Variants in RWDD1 observed in about 807,000 individuals in gnomAD.
RWDD1 encodes the protein RWD domain containing 1.
RWDD1 carries 17 observed loss-of-function variants against 31.6 expected under a neutral mutation model. The ratio of observed to expected loss-of-function variants is 0.54; its 90% confidence interval spans 0.37 to 0.81. RWDD1 has a LOEUF of 0.81. Among genes scored for constraint, RWDD1 ranks in the 30% least tolerant of loss-of-function variants. RWDD1 has a pLI of 0.00. For missense variants in RWDD1, 204 were observed against 274.5 expected, an observed-to-expected ratio of 0.74 and a Z score of 1.82; for synonymous variants, 78 against 94.2, an observed-to-expected ratio of 0.83 and a Z score of 0.99.
rs754219454 is a variant in RWDD1 at position 116,584,575 on chromosome 6, T to G, written c.140-152T>G. ...TTGTTTCATGTATCTCTTTGTGATA[T>G]GTGTTGTTTACATTAGTGATTATCC... On this transcript the variant is annotated intron_variant, in intron 2 of 6. Transcript: ENST00000466444. 74 of 623,464 alleles carry G rather than the reference T, an allele frequency of 1.2e-4. No individual in the cohort carries two copies. The highest frequency in any genetic ancestry group is 1.9e-4 in the Non-Finnish European group (67 of 359,982). 38.6% of individuals were successfully genotyped at this position (623,464 alleles called of 1,614,324 possible).
At chr6:116,591,096 ATT>A in intron 6 of RWDD1, 146 bp downstream of exon 6, 2 of 1,016,870 alleles carry the variant, frequency 2.0e-6, no homozygotes, top group Non-Finnish European at 2.6e-6. Context: ...CCCTGACTCT[ATT>A]AAAAAAAAAA....
intron 1 of RWDD1, 97 bp downstream of exon 1, chr6:116,571,752 G>C: frequency 8.8e-7 from 1 of 1,130,688 alleles, no homozygotes; most frequent in South Asian, 1.5e-5. Context: ...GGGTGGAGAA[G>C]GGGACCTTGA....
At position 116,594,665 on chromosome 6, in the gene RWDD1, T is replaced by C. The variant is rs932950284; in HGVS notation, c.*1564T>C. The C allele has an allele frequency of 2.0e-5, 3 of 152,250 alleles. No homozygotes were observed. Among genetic ancestry groups the C allele is most frequent in the Admixed American group, 2.0e-4 (3 of 15,284 alleles). 9.4% of individuals were successfully genotyped at this position (152,250 alleles called of 1,614,324 possible). A position where few individuals can be genotyped will look rare whatever the true frequency, so the allele number is the denominator to read the frequency against. On this transcript the variant is annotated 3_prime_UTR_variant, in exon 7 of 7. Transcript: ENST00000466444. ...ACATCCGTGCACATAGAGTCCTTTG[T>C]AATAATTTGGGATGATTGACTTGGT...
At chr6:116,576,030 G>A (rs1293577342) in intron 1 of RWDD1, among the ~76,000 whole-genome samples, 1 of 152,160 alleles carries the variant, frequency 6.6e-6, no homozygotes, top group Non-Finnish European at 1.5e-5. Flanking sequence ...GTTAAAAATG[G>A]CATAACTTTA....
Position 116,595,525 on chromosome 6 carries a change from T to C in RWDD1, c.*2424T>C, listed in dbSNP as rs1045414301. 2.2e-4 allele frequency: 34 copies of C among 152,342 alleles called. No individual in the cohort carries two copies. Among genetic ancestry groups the C allele is most frequent in the African/African-American group, 7.5e-4 (31 of 41,590 alleles). The allele number at this position is 152,342 out of a possible 1,614,324, so 9.4% of individuals were successfully genotyped here. A position where few individuals can be genotyped will look rare whatever the true frequency, so the allele number is the denominator to read the frequency against. ...ATTTGAAGCAATAATTGTTCCATCTTGGATTATCGGTTTTGCTCTTTGATT... is the reference window on the plus strand; with the variant it reads ...ATTTGAAGCAATAATTGTTCCATCTCGGATTATCGGTTTTGCTCTTTGATT... On this transcript the variant is annotated 3_prime_UTR_variant, in exon 7 of 7. Coordinates refer to ENST00000466444, the MANE Select transcript of RWDD1 (RefSeq NM_015952.4).
chr6:116,572,308 A>G lies in RWDD1; in HGVS notation c.73+653A>G, dbSNP rs1019685002. The G allele has an allele frequency of 2.6e-5, 4 of 152,422 alleles. No homozygotes were observed. In the South Asian group the frequency reaches 6.2e-4, roughly 24 times the overall value. 9.4% of individuals were successfully genotyped at this position (152,422 alleles called of 1,614,324 possible). A position where few individuals can be genotyped will look rare whatever the true frequency, so the allele number is the denominator to read the frequency against. The stretch of plus-strand genomic sequence containing the variant: ...GGGGCTCCTGCTCCAAGCCAAGGTC[A>G]TGGGGGTTCAGGAAAGCTAAGTGGC... On this transcript the variant is annotated intron_variant, in intron 1 of 6. Transcript: ENST00000466444.
chr6:116,584,694 G>A (rs2115331237), intron 2 of RWDD1, 33 bp from the exon 3 acceptor site: 3 of 1,589,156 alleles, frequency 1.9e-6, no homozygotes, highest in South Asian at 1.1e-5. Flanking sequence ...TACTTTTAAG[G>A]TATTCACATC....
chr6:116,591,084 G>C (rs1775136380), intron 6 of RWDD1, 134 bp downstream of exon 6: 1 of 1,152,924 alleles, frequency 8.7e-7, no homozygotes, highest in East Asian at 3.0e-5. Context: ...AACATAGTGA[G>C]ACCCTGACTC....
intron 6 of RWDD1, 34 bp downstream of exon 6, chr6:116,590,984 GGCACAGTA>G: frequency 1.9e-6 from 3 of 1,544,262 alleles, no homozygotes; most frequent in Non-Finnish European, 1.7e-6. Context: ...ATGTGGGACA[GGCACAGTA>G]GCTCAAACCT....
intron 3 of RWDD1, among the ~76,000 whole-genome samples, chr6:116,585,128 C>CT (rs1404942404): frequency 6.6e-6 from 1 of 152,180 alleles, no homozygotes; most frequent in Non-Finnish European, 1.5e-5. Flanking sequence ...CCAACGGGTA[C>CT]TTTAAGTTGT....
intron 1 of RWDD1, among the ~76,000 whole-genome samples, chr6:116,574,426 A>G (rs1225728122): frequency 6.6e-6 from 1 of 152,164 alleles, no homozygotes; most frequent in Non-Finnish European, 1.5e-5. Flanking sequence ...TCTAAGTCAT[A>G]CTTTTTGAAA....
rs138012483 is a variant in RWDD1, at chr6:116,584,832, A to C, written c.245A>C (p.Asp82Ala). Residue 82 changes from aspartate to alanine, a missense_variant, in exon 3 of 7, where the codon GAC becomes GCC. Transcript: ENST00000466444. ...QENLEDNDVS[D>A]ILKLLALQAE... Reference sequence around the variant, plus strand: ...AATCTAGAAGATAATGATGTCTCAGACATTTTAAAATTACTAGCATTACAG... The same window carrying C: ...AATCTAGAAGATAATGATGTCTCAGCCATTTTAAAATTACTAGCATTACAG... 1.9e-6 allele frequency: 3 copies of C among 1,591,794 alleles called. No homozygotes were observed. Among genetic ancestry groups the C allele is most frequent in the African/African-American group, 2.7e-5 (2 of 74,478 alleles).
Position 116,594,179 on chromosome 6 carries a change from G to C in RWDD1, c.*1078G>C, listed in dbSNP as rs913230951. The C allele has an allele frequency of 1.3e-5, 2 of 151,188 alleles. No homozygotes were observed. The highest frequency in any genetic ancestry group is 4.9e-5 in the African/African-American group (2 of 41,068). The allele number at this position is 151,188 out of a possible 1,614,324, so 9.4% of individuals were successfully genotyped here. On this transcript the variant is annotated 3_prime_UTR_variant, in exon 7 of 7. Coordinates refer to ENST00000466444, the MANE Select transcript of RWDD1 (RefSeq NM_015952.4). ...CCTCACCCCTGCTCCCCACAGGAAG[G>C]CATTAATCTATTTATGAGGGATCTA... is the stretch of plus-strand genomic sequence containing the variant.
At chr6:116,589,036 GTTGC>G in intron 4 of RWDD1, 51 bp downstream of exon 4, 1 of 1,188,930 alleles carries the variant, frequency 8.4e-7, no homozygotes, top group African/African-American at 1.6e-5. Context: ...TCAGTTTTCA[GTTGC>G]TTGGTTGGGT....
Position 116,596,031 on chromosome 6 carries a change from T to G in RWDD1, c.*2930T>G, listed in dbSNP as rs1304459195. On this transcript the variant is annotated 3_prime_UTR_variant, in exon 7 of 7. Coordinates refer to ENST00000466444, the MANE Select transcript of RWDD1 (RefSeq NM_015952.4). ...GCCAAGAAGCAAAGAGATGCACTCTTGTATTCCAGAAAGAAGATGATTTGT... is the reference window on the plus strand; with the variant it reads ...GCCAAGAAGCAAAGAGATGCACTCTGGTATTCCAGAAAGAAGATGATTTGT... 7 of 152,190 alleles carry G rather than the reference T, an allele frequency of 4.6e-5. No homozygotes were observed. The highest frequency in any genetic ancestry group is 1.0e-4 in the Non-Finnish European group (7 of 68,006). The allele number at this position is 152,190 out of a possible 1,614,324, so 9.4% of individuals were successfully genotyped here.
intron 3 of RWDD1, 100 bp downstream of exon 3, chr6:116,584,957 C>A: frequency 1.1e-6 from 1 of 923,400 alleles, no homozygotes. Flanking sequence ...GTAAACAGAA[C>A]ATTGACCAAG....
chr6:116,575,348 A>T (rs1052526671), intron 1 of RWDD1, among the ~76,000 whole-genome samples: 5 of 152,028 alleles, frequency 3.3e-5, no homozygotes, highest in African/African-American at 4.8e-5. Flanking sequence ...GGCCTCCCAA[A>T]GTGCTAGGAT....
chr6:116,596,008 C>T lies in RWDD1; in HGVS notation c.*2907C>T, dbSNP rs901651671. On this transcript the variant is annotated 3_prime_UTR_variant, in exon 7 of 7. Coordinates refer to ENST00000466444, the MANE Select transcript of RWDD1 (RefSeq NM_015952.4). ...TGTCATACTCCAGAGATACATGTGCCAAGAAGCAAAGAGATGCACTCTTGT... is the reference window on the plus strand; with the variant it reads ...TGTCATACTCCAGAGATACATGTGCTAAGAAGCAAAGAGATGCACTCTTGT... 1.3e-5 allele frequency: 2 copies of T among 152,148 alleles called. No homozygotes were observed. Among genetic ancestry groups the T allele is most frequent in the Non-Finnish European group, 2.9e-5 (2 of 68,024 alleles). The allele number at this position is 152,148 out of a possible 1,614,324, so 9.4% of individuals were successfully genotyped here.
chr6:116,592,453 A>T (rs916921824), intron 6 of RWDD1, among the ~76,000 whole-genome samples: 1 of 152,178 alleles, frequency 6.6e-6, no homozygotes, highest in Non-Finnish European at 1.5e-5. Flanking sequence ...CACACTGAAG[A>T]GTGAAGATGT....
Sources: allele counts gnomAD v4.1 joint callset (sites outside exome capture counted in the v4.1 genomes callset), GRCh38; gene constraint gnomAD v4.1.1; transcripts MANE v1.5; gene names NCBI Gene and HGNC (gene_info 2026-07-23, HGNC 2026-07-21).